ZSWIM5: variants seen among roughly 807,000 people sequenced by gnomAD.
ZSWIM5 encodes zinc finger SWIM-type containing 5.
In ZSWIM5, 55 loss-of-function variants were observed where a neutral mutation model predicts 119.6. The ratio of observed to expected loss-of-function variants is 0.46; its 90% CI spans 0.37 to 0.58. ZSWIM5 has a LOEUF of 0.58. Among genes scored for constraint, ZSWIM5 ranks in the 20% least tolerant of loss-of-function variants. The pLI is 0.00. For synonymous variants in ZSWIM5, 537 were observed against 606.9 expected (o/e 0.88, Z 1.69); for missense variants, 1,193 against 1,512.8 (o/e 0.79, Z 3.51).
chr1:45,058,821 G>A lies in ZSWIM5; in HGVS notation c.1102-62C>T, dbSNP rs952468251. 9.4e-6 allele frequency: 15 copies of A among 1,587,310 alleles called. No individual in the cohort carries two copies. The African/African-American group carries it at 1.9e-4, about 20-fold the overall frequency. Reference sequence around the variant, plus strand: ...GTATCACAAAAAAGTAGGAGGAGAAGGAAGTGGGGGAGGGGGAAGTGAAGA... The same window carrying A: ...GTATCACAAAAAAGTAGGAGGAGAAAGAAGTGGGGGAGGGGGAAGTGAAGA... On this transcript the variant is annotated intron_variant, in intron 3 of 13. Coordinates refer to ENST00000359600, the MANE Select transcript of ZSWIM5 (RefSeq NM_020883.2).
At chr1:45,055,608 C>A (rs1645117216) in intron 4 of ZSWIM5, among the ~76,000 whole-genome samples, 1 of 152,160 alleles carries the variant, frequency 6.6e-6, no homozygotes, top group Admixed American at 6.5e-5. Context: ...GGGCTAGAGA[C>A]ATACATTTGT....
Position 45,206,503 on chromosome 1 carries a change from AACC to A in ZSWIM5, c.-156_-154del, listed in dbSNP as rs1646193461. ...CGCGAGCCAGCCGGCCCGAGTGGGG[AACC>A]GCGGCCGGGCCCGGGAGCGCGCCGC... On this transcript the variant is annotated 5_prime_UTR_variant, in exon 1 of 14. Coordinates refer to ENST00000359600, the MANE Select transcript of ZSWIM5 (RefSeq NM_020883.2). The A allele has an allele frequency of 1.8e-6, 2 of 1,118,886 alleles. No individual in the cohort carries two copies. The highest frequency in any genetic ancestry group is 8.9e-5 in the South Asian group (2 of 22,566). The allele number at this position is 1,118,886 out of a possible 1,614,324, so 69.3% of individuals were successfully genotyped here.
chr1:45,192,877 T>A (rs1023787326), intron 1 of ZSWIM5, among the ~76,000 whole-genome samples: 1 of 152,220 alleles, frequency 6.6e-6, no homozygotes, highest in Non-Finnish European at 1.5e-5. Context: ...TCATTGTGGT[T>A]TTGATTTTCA....
In ZSWIM5 at chr1:45,114,372, T is replaced by C. The variant is rs181905146; in HGVS notation, c.596-26135A>G. ...ATAAAATAAATTGTAAGACAAGGAA[T>C]GTATACCAGAGATGAAGGACATTTT... On this transcript the variant is annotated intron_variant, in intron 1 of 13. Coordinates refer to ENST00000359600, the MANE Select transcript of ZSWIM5 (RefSeq NM_020883.2). 4.2e-3 allele frequency among the ~76,000 whole-genome samples: 633 copies of C among 152,226 alleles called. 6 individuals carry two copies. The highest frequency in any genetic ancestry group is 7.4e-3 in the Non-Finnish European group (502 of 68,020).
At chr1:45,176,917 C>T (rs1365147060) in intron 1 of ZSWIM5, among the ~76,000 whole-genome samples, 1 of 152,084 alleles carries the variant, frequency 6.6e-6, no homozygotes, top group African/African-American at 2.4e-5. Context: ...GCTCTAGCAC[C>T]CCATGCTAGG....
intron 4 of ZSWIM5, among the ~76,000 whole-genome samples, chr1:45,055,601 C>A (rs1645117195): frequency 1.3e-5 from 2 of 152,164 alleles, no homozygotes; most frequent in South Asian, 2.1e-4. Flanking sequence ...AAGATCAGGG[C>A]TAGAGACATA....
intron 1 of ZSWIM5, among the ~76,000 whole-genome samples, chr1:45,122,503 T>C (rs374402610): frequency 6.6e-6 from 1 of 152,278 alleles, no homozygotes; most frequent in South Asian, 2.1e-4. Context: ...CTGGACATTA[T>C]ATACAAAACA....
At chr1:45,140,204 G>T (rs1299972395) in intron 1 of ZSWIM5, among the ~76,000 whole-genome samples, 1 of 152,142 alleles carries the variant, frequency 6.6e-6, no homozygotes, top group African/African-American at 2.4e-5. Flanking sequence ...CAGCCTGCAG[G>T]CCAGATCTGA....
chr1:45,051,881 A>G (rs1174519237), intron 4 of ZSWIM5, among the ~76,000 whole-genome samples: 2 of 152,218 alleles, frequency 1.3e-5, no homozygotes, highest in Non-Finnish European at 2.9e-5. Context: ...AGGGTCTAGC[A>G]TATTACCTAG....
chr1:45,069,148 C>T (rs1327323495), intron 2 of ZSWIM5, among the ~76,000 whole-genome samples: 2 of 151,932 alleles, frequency 1.3e-5, no homozygotes, highest in African/African-American at 4.8e-5. Flanking sequence ...GTTTTTGGGC[C>T]AGGCACAATG....
chr1:45,024,341 G>A (rs180926712), intron 11 of ZSWIM5, among the ~76,000 whole-genome samples: 54 of 151,472 alleles, frequency 3.6e-4, no homozygotes, highest in African/African-American at 1.1e-3. Flanking sequence ...ACAGGCGTGC[G>A]CCACCACTCC....
intron 1 of ZSWIM5, among the ~76,000 whole-genome samples, chr1:45,130,488 T>C (rs1201179030): frequency 6.6e-6 from 1 of 151,912 alleles, no homozygotes; most frequent in African/African-American, 2.4e-5. Flanking sequence ...AATAAAAAGA[T>C]GTTCAACATA....
At chr1:45,140,834 CA>C (rs1645721872) in intron 1 of ZSWIM5, among the ~76,000 whole-genome samples, 5 of 152,176 alleles carry the variant, frequency 3.3e-5, no homozygotes, top group African/African-American at 1.2e-4. Flanking sequence ...GCTGAAAAGT[CA>C]TTAGTAGCAG....
intron 1 of ZSWIM5, among the ~76,000 whole-genome samples, chr1:45,170,659 C>A (rs138427332): frequency 1.3e-5 from 2 of 152,104 alleles, no homozygotes; most frequent in African/African-American, 4.8e-5. Flanking sequence ...GAACTCCTTG[C>A]CTCAAGCGAT....
At chr1:45,031,169 A>ATTTTTTTTTTTTT (rs34390567) in intron 11 of ZSWIM5, among the ~76,000 whole-genome samples, 6 of 61,744 alleles carry the variant, frequency 9.7e-5, no homozygotes, top group Non-Finnish European at 8.3e-5. Flanking sequence ...TTTTGCTCTG[A>ATTTTTTTTTTTTT]TTTTTTTTTT....
chr1:45,136,084 C>T (rs977203991), intron 1 of ZSWIM5, among the ~76,000 whole-genome samples: 1 of 152,136 alleles, frequency 6.6e-6, no homozygotes, highest in Non-Finnish European at 1.5e-5. Context: ...TGGTCTCGAA[C>T]TCCTGAGCTC....
intron 4 of ZSWIM5, among the ~76,000 whole-genome samples, chr1:45,051,725 G>A (rs2148997418): frequency 6.6e-6 from 1 of 152,278 alleles, no homozygotes; most frequent in East Asian, 1.9e-4. Context: ...GGACATGGTT[G>A]GAAGCGAGGA....
chr1:45,176,610 C>A (rs1423784547), intron 1 of ZSWIM5, among the ~76,000 whole-genome samples: 1 of 151,992 alleles, frequency 6.6e-6, no homozygotes, highest in African/African-American at 2.4e-5. Context: ...AAATTTGGCT[C>A]CTGTTATCCT....
chr1:45,058,964 C>T (rs1247423492), intron 3 of ZSWIM5, among the ~76,000 whole-genome samples: 1 of 152,104 alleles, frequency 6.6e-6, no homozygotes, highest in African/African-American at 2.4e-5. Context: ...CCACTTCACA[C>T]CCACTAGGAT....
Sources: allele counts gnomAD v4.1 joint callset (sites outside exome capture counted in the v4.1 genomes callset), GRCh38; gene constraint gnomAD v4.1.1; transcripts MANE v1.5; gene names NCBI Gene and HGNC (gene_info 2026-07-23, HGNC 2026-07-21).